ROBO2: variants seen among roughly 807,000 people sequenced by gnomAD.
ROBO2 encodes the protein roundabout homolog 2.
ROBO2 carries 53 observed loss-of-function variants against 160.8 expected under a neutral mutation model. That is an observed-to-expected ratio of 0.33 (90% CI 0.26 to 0.41). The LOEUF (loss-of-function observed/expected upper bound fraction) is 0.41. Among genes scored for constraint, ROBO2 ranks in the 10% least tolerant of loss-of-function variants. The pLI is 1.00. For missense variants in ROBO2, 1,577 were observed against 1,722.4 expected, an observed-to-expected ratio of 0.92 and a Z score of 1.49; for synonymous variants, 664 against 611.7, an observed-to-expected ratio of 1.09 and a Z score of -1.26.
At chr3:76,849,813 C>T (rs2069144825) in intron 2 of ROBO2, among the ~76,000 whole-genome samples, 1 of 152,104 alleles carries the variant, frequency 6.6e-6, no homozygotes, top group Non-Finnish European at 1.5e-5. Flanking sequence ...CCTTACTCTG[C>T]CATCTTGACA....
chr3:77,347,792 T>A (rs1307497370), intron 2 of ROBO2, among the ~76,000 whole-genome samples: 1 of 152,132 alleles, frequency 6.6e-6, no homozygotes, highest in Non-Finnish European at 1.5e-5. Context: ...TTCTCCTGTC[T>A]GCCTGGAAGC....
At chr3:77,484,350 A>G (rs567416091) in intron 4 of ROBO2, among the ~76,000 whole-genome samples, 7 of 152,220 alleles carry the variant, frequency 4.6e-5, no homozygotes, top group Non-Finnish European at 1.0e-4. Flanking sequence ...ACTGCTGTCC[A>G]AAATTTGGGT....
Position 76,432,684 on chromosome 3 carries a change from A to C in ROBO2, c.109+495082A>C, listed in dbSNP as rs559523611. On this transcript the variant is annotated intron_variant, in intron 2 of 26. Coordinates refer to the ROBO2 transcript ENST00000487694. Reference sequence around the variant, plus strand: ...TGAGGCAGAGGCCACAATGCCTTTAAAGACCTTGCCTTGGAAGAAATGTAC... The same window carrying C: ...TGAGGCAGAGGCCACAATGCCTTTACAGACCTTGCCTTGGAAGAAATGTAC... 1.1e-4 allele frequency among the ~76,000 whole-genome samples: 16 copies of C among 152,280 alleles called. No individual in the cohort carries two copies. In the South Asian group the frequency reaches 2.7e-3, roughly 26 times the overall value.
chr3:76,710,784 A>G (rs1307993505), intron 2 of ROBO2, among the ~76,000 whole-genome samples: 1 of 152,210 alleles, frequency 6.6e-6, no homozygotes, highest in African/African-American at 2.4e-5. Context: ...GCTTAGAGAA[A>G]TGAGCTAAAG....
chr3:77,407,289 TA>T (rs901516641), intron 2 of ROBO2, among the ~76,000 whole-genome samples: 22 of 151,318 alleles, frequency 1.5e-4, no homozygotes, highest in African/African-American at 5.1e-4. Context: ...AAATGATTTC[TA>T]AAAAAAAATC....
chr3:76,274,426 T>C (rs1447438024), intron 2 of ROBO2, among the ~76,000 whole-genome samples: 1 of 152,210 alleles, frequency 6.6e-6, no homozygotes, highest in East Asian at 1.9e-4. Flanking sequence ...TAATACTTTT[T>C]GAAGGAGTTT....
At chr3:76,170,009 T>C (rs931739018) in intron 2 of ROBO2, among the ~76,000 whole-genome samples, 5 of 152,114 alleles carry the variant, frequency 3.3e-5, no homozygotes, top group Non-Finnish European at 7.4e-5. Flanking sequence ...CTCGATCTCC[T>C]GACCTCATGA....
chr3:76,319,267 A>G (rs2072307344), intron 2 of ROBO2, among the ~76,000 whole-genome samples: 1 of 152,148 alleles, frequency 6.6e-6, no homozygotes, highest in South Asian at 2.1e-4. Flanking sequence ...GATGTCTTAA[A>G]AATGATATGC....
intron 22 of ROBO2, among the ~76,000 whole-genome samples, chr3:77,621,877 A>G (rs1419382646): frequency 6.6e-6 from 1 of 152,212 alleles, no homozygotes; most frequent in Non-Finnish European, 1.5e-5. Context: ...TGAGAACAAA[A>G]GTATAATATT....
chr3:76,302,965 TA>T (rs1412582399), intron 2 of ROBO2, among the ~76,000 whole-genome samples: 10 of 152,122 alleles, frequency 6.6e-5, no homozygotes, highest in Non-Finnish European at 1.2e-4. Flanking sequence ...AAATTTATTA[TA>T]AAAAATTTTA....
intron 2 of ROBO2, among the ~76,000 whole-genome samples, chr3:76,892,833 T>C (rs2074453683): frequency 6.6e-6 from 1 of 152,190 alleles, no homozygotes; most frequent in African/African-American, 2.4e-5. Context: ...ACACCTTCTC[T>C]ATCCTCCTCA....
chr3:76,658,735 T>C (rs1031909065), intron 2 of ROBO2, among the ~76,000 whole-genome samples: 1 of 152,156 alleles, frequency 6.6e-6, no homozygotes, highest in Admixed American at 6.5e-5. Context: ...CAGTCTATCA[T>C]TGGTGGACAT....
intron 2 of ROBO2, among the ~76,000 whole-genome samples, chr3:77,153,116 A>G (rs2077681573): frequency 6.6e-6 from 1 of 152,122 alleles, no homozygotes; most frequent in Admixed American, 6.6e-5. Flanking sequence ...TTATTAAAGG[A>G]GTTTAAAAAT....
chr3:76,105,041 C>T (rs1174696977), intron 2 of ROBO2, among the ~76,000 whole-genome samples: 1 of 152,014 alleles, frequency 6.6e-6, no homozygotes, highest in Non-Finnish European at 1.5e-5. Flanking sequence ...AAGAGAAAAG[C>T]AAGAGACCTA....
At chr3:76,143,957 CTTT>C (rs912763344) in intron 2 of ROBO2, among the ~76,000 whole-genome samples, 1 of 148,504 alleles carries the variant, frequency 6.7e-6, no homozygotes, top group African/African-American at 2.5e-5. Context: ...CTTATTCTGC[CTTT>C]TTTTTTTCTA....
rs80078456 is a variant in ROBO2, at chr3:76,784,820, T to C, written c.110-313194T>C. On this transcript the variant is annotated intron_variant, in intron 2 of 26. Coordinates refer to the ROBO2 transcript ENST00000487694. ...TTTGTTCCTAGTTGTTACCAGATGA[T>C]ACAGCCATGTTGATTCCCTCAGTGT... Among the ~76,000 whole-genome samples, 187 of 151,338 alleles carry C rather than the reference T, an allele frequency of 1.2e-3. 1 individual carries two copies. Among genetic ancestry groups the C allele is most frequent in the African/African-American group, 4.1e-3 (171 of 41,428 alleles).
At chr3:76,308,376 CAAAAAA>C (rs71277580) in intron 2 of ROBO2, among the ~76,000 whole-genome samples, 1 of 85,580 alleles carries the variant, frequency 1.2e-5, no homozygotes, top group Non-Finnish European at 2.1e-5. Context: ...GACTCTGTCT[CAAAAAA>C]AAAAAAAAAA....
intron 2 of ROBO2, among the ~76,000 whole-genome samples, chr3:76,192,377 C>T (rs968874013): frequency 6.6e-6 from 1 of 152,024 alleles, no homozygotes; most frequent in African/African-American, 2.4e-5. Context: ...CCTTTCCTTT[C>T]AAGCTTATTC....
intron 2 of ROBO2, among the ~76,000 whole-genome samples, chr3:76,663,463 T>A (rs1314956800): frequency 2.0e-5 from 3 of 152,170 alleles, no homozygotes; most frequent in African/African-American, 7.2e-5. Context: ...CCAAAGATTG[T>A]TTAGTGCTTC....
Sources: allele counts gnomAD v4.1 joint callset (sites outside exome capture counted in the v4.1 genomes callset), GRCh38; gene constraint gnomAD v4.1.1; transcripts MANE v1.5; gene names NCBI Gene and HGNC (gene_info 2026-07-23, HGNC 2026-07-21).